The following AVEN variants were observed in gnomAD, a reference collection of about 807,000 sequenced individuals.
AVEN encodes the protein apoptosis and caspase activation inhibitor.
Under a neutral mutation model 38.1 loss-of-function variants are expected in AVEN, and 41 were observed. That is an observed-to-expected ratio of 1.08 (90% CI 0.84 to 1.40). AVEN has a LOEUF of 1.40. AVEN is among the 40% of genes most tolerant of loss of function. The pLI is 0.00. For synonymous variants in AVEN, 206 were observed against 171.8 expected (o/e 1.20, Z -1.56); for missense variants, 605 against 438.8 (o/e 1.38, Z -3.38).
downstream of AVEN, chr15:33,864,996 G>A: frequency 1.6e-6 from 1 of 630,824 alleles, no homozygotes; most frequent in Non-Finnish European, 2.8e-6. Context: ...AATAGAGCAA[G>A]AATGAATGTG....
intron 4 of AVEN, chr15:34,064,055 C>T: frequency 6.2e-7 from 1 of 1,614,200 alleles, no homozygotes; most frequent in Non-Finnish European, 8.5e-7. Flanking sequence ...CACTGAGTGC[C>T]ATTCTCCTGG....
chr15:33,991,597 A>G (rs1896728837), intron 2 of AVEN: 1 of 152,124 alleles, frequency 6.6e-6, no homozygotes, highest in African/African-American at 2.4e-5. Flanking sequence ...AGATAATGTG[A>G]CCTGTAGAAA....
chr15:33,866,692 A>G lies in AVEN; in HGVS notation c.1010T>C (p.Met337Thr). The G allele has an allele frequency of 6.2e-7, 1 of 1,614,012 alleles. No homozygotes were observed. Residue 337 changes from methionine (M) to threonine (T), a missense_variant, in exon 6 of 6, where the codon ATG becomes ACG. Physicochemically the swap from Met to Thr is moderately conservative, Grantham distance 81. Transcript: ENST00000306730. ...AKPSVTEEKN[M>T]EPEQPSTSKN... is the part of the protein sequence containing the mutation. Reference sequence around the variant, plus strand: ...GGAGGTACTTGGTTGCTCAGGTTCCATGTTTTTTTCTTCAGTCACAGATGG... The same window carrying G: ...GGAGGTACTTGGTTGCTCAGGTTCCGTGTTTTTTTCTTCAGTCACAGATGG...
chr15:34,073,668 A>C (rs1597399994), intron 1 of AVEN, among the ~76,000 whole-genome samples: 1 of 151,616 alleles, frequency 6.6e-6, no homozygotes, highest in African/African-American at 2.4e-5. Flanking sequence ...TAACAGGTGC[A>C]CACCACCACA....
intron 2 of AVEN, among the ~76,000 whole-genome samples, chr15:33,942,520 T>G (rs1894355729): frequency 6.6e-6 from 1 of 151,970 alleles, no homozygotes; most frequent in Admixed American, 6.6e-5. Flanking sequence ...GTGCGATCTC[T>G]GCTCACTGCA....
chr15:34,073,164 C>T (rs1900663532), intron 1 of AVEN, among the ~76,000 whole-genome samples: 1 of 151,886 alleles, frequency 6.6e-6, no homozygotes, highest in Non-Finnish European at 1.5e-5. Context: ...CCTCAGCCTC[C>T]CGAGTAGCTG....
At chr15:33,853,966 G>A (rs1022525828), downstream of AVEN, among the ~76,000 whole-genome samples, 2 of 152,084 alleles carry the variant, frequency 1.3e-5, no homozygotes, top group Non-Finnish European at 2.9e-5. Context: ...GGCTGAGGTG[G>A]GCAGATCATG....
intron 2 of AVEN, among the ~76,000 whole-genome samples, chr15:33,909,111 G>A (rs1451082978): frequency 6.6e-6 from 1 of 152,076 alleles, no homozygotes; most frequent in Non-Finnish European, 1.5e-5. Flanking sequence ...TTTTGTTTTG[G>A]TGCTTGAGTT....
chr15:33,880,442 C>T (rs549543837), intron 2 of AVEN, among the ~76,000 whole-genome samples: 9 of 152,270 alleles, frequency 5.9e-5, no homozygotes, highest in Non-Finnish European at 1.2e-4. Flanking sequence ...AACTAGAGTT[C>T]AGGGCCAATG....
chr15:33,894,150 A>C (rs993169952), intron 2 of AVEN, among the ~76,000 whole-genome samples: 1 of 151,954 alleles, frequency 6.6e-6, no homozygotes, highest in Admixed American at 6.6e-5. Context: ...GGGTTTCGCT[A>C]TGTTGGCCAG....
At chr15:33,915,341 G>A (rs73379545) in intron 2 of AVEN, among the ~76,000 whole-genome samples, 3,328 of 152,262 alleles carry the variant, frequency 0.022, 122 homozygotes, top group African/African-American at 0.075. Flanking sequence ...AAAAACTGTT[G>A]CGTGCCCAGA....
chr15:33,892,312 C>A (rs1597200719), intron 2 of AVEN, among the ~76,000 whole-genome samples: 1 of 152,178 alleles, frequency 6.6e-6, no homozygotes, highest in South Asian at 2.1e-4. Context: ...ATGCCTATGT[C>A]CTGAATGGTA....
intron 2 of AVEN, among the ~76,000 whole-genome samples, chr15:33,944,410 A>G (rs2153054521): frequency 6.6e-6 from 1 of 152,352 alleles, no homozygotes; most frequent in East Asian, 1.9e-4. Context: ...GCTAAATTGT[A>G]GGAGGAAAGT....
intron 2 of AVEN, among the ~76,000 whole-genome samples, chr15:33,992,660 A>G (rs1896779103): frequency 3.6e-4 from 1 of 2,744 alleles, no homozygotes; most frequent in Non-Finnish European, 2.9e-3. Flanking sequence ...ATACCATACA[A>G]GAAGAGGGAA....
At chr15:33,891,143 C>CT (rs1473501338) in intron 2 of AVEN, among the ~76,000 whole-genome samples, 1 of 151,940 alleles carries the variant, frequency 6.6e-6, no homozygotes, top group East Asian at 1.9e-4. Flanking sequence ...AAATGTCTGG[C>CT]TTTTAAACAT....
At position 33,875,985 on chromosome 15, in the gene AVEN, G is replaced by A; in HGVS notation, c.456C>T (p.Phe152=). Residue 152 remains phenylalanine, a synonymous_variant, in exon 3 of 6, where the codon TTC becomes TTT. Transcript: ENST00000306730. ...SVLLSSAGDS[F]SQFRFAEEKE... is the part of the protein sequence containing the mutation. ...TCTCCTCAGCAAACCGGAACTGTGAGAATGAGTCCCCTAGGAATAGGAAAA... is the reference window on the plus strand; with the variant it reads ...TCTCCTCAGCAAACCGGAACTGTGAAAATGAGTCCCCTAGGAATAGGAAAA... 1 of 1,611,948 alleles carries A rather than the reference G, an allele frequency of 6.2e-7. No homozygotes were observed. Among genetic ancestry groups the A allele is most frequent in the Admixed American group, 1.7e-5 (1 of 59,940 alleles).
chr15:33,858,266 G>A (rs188661634), downstream of AVEN: 345 of 216,994 alleles, frequency 1.6e-3, no homozygotes, highest in Non-Finnish European at 2.4e-3. Context: ...GTGCAATGGC[G>A]TCATCTCAGC....
intron 2 of AVEN, among the ~76,000 whole-genome samples, chr15:33,902,806 T>G (rs1892542876): frequency 6.6e-6 from 1 of 152,186 alleles, no homozygotes. Context: ...CAATCCCATT[T>G]TTGATATCAT....
At chr15:33,956,989 T>C (rs932607653) in intron 2 of AVEN, among the ~76,000 whole-genome samples, 6 of 152,196 alleles carry the variant, frequency 3.9e-5, no homozygotes, top group Admixed American at 1.3e-4. Context: ...TTGTCTGATA[T>C]TTAGAATTTC....
Sources: allele counts gnomAD v4.1 joint callset (sites outside exome capture counted in the v4.1 genomes callset), GRCh38; gene constraint gnomAD v4.1.1; transcripts MANE v1.5; gene names NCBI Gene and HGNC (gene_info 2026-07-23, HGNC 2026-07-21).